The following CNGB1 variants were observed in gnomAD, a reference collection of about 807,000 sequenced individuals.
The protein encoded by CNGB1 is cyclic nucleotide gated channel subunit beta 1, also known as cyclic nucleotide-gated channel beta-1.
Under a neutral mutation model 151.7 loss-of-function variants are expected in CNGB1, and 126 were observed. The ratio of observed to expected loss-of-function variants is 0.83; its 90% CI spans 0.72 to 0.96. CNGB1 has a LOEUF of 0.96. CNGB1 is among the 40% of genes least tolerant of loss of function. The pLI is 0.00. For synonymous variants in CNGB1, 623 were observed against 635.1 expected (o/e 0.98, Z 0.29); for missense variants, 1,698 against 1,627.0 (o/e 1.04, Z -0.75).
chr16:57,931,351 C>A (rs190547504), intron 17 of CNGB1, among the ~76,000 whole-genome samples: 1 of 151,880 alleles, frequency 6.6e-6, no homozygotes, highest in Non-Finnish European at 1.5e-5. Context: ...GACGGGGTTT[C>A]GCTATGTTGG....
At chr16:57,898,023 T>G in intron 29 of CNGB1, 109 bp from the exon 30 acceptor site, 4 of 1,082,190 alleles carry the variant, frequency 3.7e-6, no homozygotes, top group East Asian at 2.5e-5. Flanking sequence ...ACCTAGGCAC[T>G]GGGGTCCAGC....
chr16:57,966,308 G>A lies in CNGB1; in HGVS notation c.159+820C>T, dbSNP rs558156427. 3.9e-5 allele frequency among the ~76,000 whole-genome samples: 6 copies of A among 152,160 alleles called. No individual in the cohort carries two copies. In the South Asian group the frequency reaches 1.0e-3, roughly 26 times the overall value. On this transcript the variant is annotated intron_variant, in intron 2 of 32. Transcript: ENST00000251102. ...CTGGGCTCTTGTCTGCTGAGTCCCC[G>A]GGGCAATGCCTATTCATCTTTATGC...
chr16:57,948,913 A>G (rs1296587205), intron 14 of CNGB1, among the ~76,000 whole-genome samples: 1 of 152,198 alleles, frequency 6.6e-6, no homozygotes, highest in Admixed American at 6.5e-5. Context: ...CAGCCCTAGA[A>G]GGCATCAAAG....
Position 57,919,154 on chromosome 16 carries a change from G to A in CNGB1, c.1902C>T (p.Phe634=). 6.2e-7 allele frequency: 1 copy of A among 1,614,202 alleles called. No individual in the cohort carries two copies. Among genetic ancestry groups the A allele is most frequent in the South Asian group, 1.1e-5 (1 of 91,084 alleles). ...EHYCDMLCCK[F]KHRPWKKYQF... Reference sequence around the variant, plus strand: ...GGTACTTCTTCCAGGGGCGGTGTTTGAACTTGCAGCAGAGCATGTCGCAAT... The same window carrying A: ...GGTACTTCTTCCAGGGGCGGTGTTTAAACTTGCAGCAGAGCATGTCGCAAT... The change falls in exon 20 of 33, where the codon TTC becomes TTT. Residue 634 remains phenylalanine (F), a synonymous_variant. Transcript: ENST00000251102.
intron 12 of CNGB1, chr16:57,955,287 C>G: frequency 6.4e-7 from 1 of 1,551,250 alleles, no homozygotes; most frequent in South Asian, 1.2e-5. Flanking sequence ...GGGCATCCTT[C>G]TTTCCTTCCA....
intron 12 of CNGB1, chr16:57,954,947 C>A: frequency 1.9e-6 from 2 of 1,070,184 alleles, no homozygotes; most frequent in South Asian, 3.2e-5. Context: ...CAGGGTCTCA[C>A]TGTGTTGCCC....
chr16:57,911,736 G>C lies in CNGB1; in HGVS notation c.2492+17C>G. 1 of 1,613,584 alleles carries C rather than the reference G, an allele frequency of 6.2e-7. No individual in the cohort carries two copies. The highest frequency in any genetic ancestry group is 8.5e-7 in the Non-Finnish European group (1 of 1,179,730). On this transcript the variant is annotated intron_variant, in intron 25 of 32. Transcript: ENST00000251102. ...AGGTCACCCAGGCATGGCCCCAGGGGGAGGACTGTGGCTCACCTGTTTCCC... is the reference window on the plus strand; with the variant it reads ...AGGTCACCCAGGCATGGCCCCAGGGCGAGGACTGTGGCTCACCTGTTTCCC...
chr16:57,907,257 G>A (rs892907374), intron 25 of CNGB1, among the ~76,000 whole-genome samples: 2 of 152,182 alleles, frequency 1.3e-5, no homozygotes, highest in South Asian at 2.1e-4. Flanking sequence ...GCCCAGTGAC[G>A]GATGTGCCAG....
At chr16:57,955,301 A>T (rs1369739743) in intron 12 of CNGB1, 2 of 1,551,302 alleles carry the variant, frequency 1.3e-6, no homozygotes, top group Non-Finnish European at 1.7e-6. Flanking sequence ...CCTTCCATCC[A>T]TGTGTCCATC....
At chr16:57,914,925 G>A (rs1252100972) in intron 23 of CNGB1, among the ~76,000 whole-genome samples, 2 of 114,312 alleles carry the variant, frequency 1.7e-5, no homozygotes, top group Admixed American at 1.7e-4. Context: ...GTAAACAGTG[G>A]AGACAGATGA....
At chr16:57,967,502 T>C (rs1322670171) in intron 1 of CNGB1, 2 of 576,142 alleles carry the variant, frequency 3.5e-6, no homozygotes, top group South Asian at 4.0e-5. Flanking sequence ...GAGATCAGCC[T>C]GGGCAAGACA....
intron 1 of CNGB1, among the ~76,000 whole-genome samples, chr16:57,969,637 A>G (rs1962489757): frequency 1.3e-5 from 2 of 152,216 alleles, no homozygotes; most frequent in Non-Finnish European, 2.9e-5. Context: ...ATAGTGCTAT[A>G]TTTTAAAAAA....
Position 57,957,473 on chromosome 16 carries a change from C to A in CNGB1, c.838-96G>T, listed in dbSNP as rs569610093. 5.4e-5 allele frequency: 54 copies of A among 1,007,798 alleles called. No homozygotes were observed. The Admixed American group carries it at 7.1e-4, about 13-fold the overall frequency. The allele number at this position is 1,007,798 out of a possible 1,614,324, so 62.4% of individuals were successfully genotyped here. A position where few individuals can be genotyped will look rare whatever the true frequency, so the allele number is the denominator to read the frequency against. ...CTTCTAGCACGTGACCTTGACCCAC[C>A]TCTCCGGGCCTTAGTTGTCCCATGG... On this transcript the variant is annotated intron_variant, in intron 11 of 32. Transcript: ENST00000251102.
In CNGB1 at chr16:57,929,434, T is replaced by TGAGA. The variant is rs149439991; in HGVS notation, c.1535+2278_1535+2281dup. 4.3e-5 allele frequency among the ~76,000 whole-genome samples: 5 copies of TGAGA among 116,554 alleles called. 1 individual carries two copies. The South Asian group carries it at 1.4e-3, about 32-fold the overall frequency. The allele number at this position is 116,554 out of a possible 152,430, so 76.5% of individuals were successfully genotyped here. Reference sequence around the variant, plus strand: ...AAGCAAGGCACATCTTACACAGCAGTGAGAGAGAGAGAGAGAGAGGGAGAG... The same window carrying TGAGA: ...AAGCAAGGCACATCTTACACAGCAGTGAGAGAGAGAGAGAGAGAGAGAGGGAGAG... On this transcript the variant is annotated intron_variant, in intron 17 of 32. Transcript: ENST00000251102.
At chr16:57,954,986 C>A in intron 12 of CNGB1, 2 of 1,117,332 alleles carry the variant, frequency 1.8e-6, no homozygotes, top group Non-Finnish European at 2.2e-6. Flanking sequence ...GGGGCTCAAG[C>A]AATCCTCCTG....
intron 16 of CNGB1, among the ~76,000 whole-genome samples, chr16:57,939,117 G>A (rs1596996556): frequency 6.6e-6 from 1 of 152,232 alleles, no homozygotes; most frequent in African/African-American, 2.4e-5. Context: ...GTTAGGAGGG[G>A]CCTGCAGGAG....
intron 10 of CNGB1, 121 bp downstream of exon 10, chr16:57,959,767 G>A: frequency 8.1e-7 from 1 of 1,238,968 alleles, no homozygotes; most frequent in South Asian, 2.1e-5. Flanking sequence ...GCTGCCTTGG[G>A]AAGGAGGCTG....
At chr16:57,898,007 G>T in intron 29 of CNGB1, 93 bp from the exon 30 acceptor site, 2 of 1,333,542 alleles carry the variant, frequency 1.5e-6, no homozygotes, top group Non-Finnish European at 2.2e-6. Context: ...GGTCCGGCAA[G>T]GAGGAACCTA....
At chr16:57,904,027 G>T in intron 26 of CNGB1, 46 bp from the exon 27 acceptor site, 3 of 1,582,222 alleles carry the variant, frequency 1.9e-6, no homozygotes, top group South Asian at 1.1e-5. Context: ...TGGGTCATTG[G>T]GGGTGGGCGC....
Sources: allele counts gnomAD v4.1 joint callset (sites outside exome capture counted in the v4.1 genomes callset), GRCh38; gene constraint gnomAD v4.1.1; transcripts MANE v1.5; gene names NCBI Gene and HGNC (gene_info 2026-07-23, HGNC 2026-07-21).